CALN1: variants seen among roughly 807,000 people sequenced by gnomAD.
CALN1 encodes the protein calneuron 1.
Under a neutral mutation model 30.6 loss-of-function variants are expected in CALN1, and 17 were observed. The ratio of observed to expected loss-of-function variants is 0.56; its 90% CI spans 0.38 to 0.83. CALN1 has a LOEUF of 0.83. CALN1 is among the 40% of genes least tolerant of loss of function. CALN1 has a pLI of 0.00. For missense variants in CALN1, 291 were observed against 354.9 expected (o/e 0.82, Z 1.45); for synonymous variants, 156 against 131.4 (o/e 1.19, Z -1.28).
At chr7:71,912,311 T>C (rs979881001) in intron 5 of CALN1, among the ~76,000 whole-genome samples, 1 of 152,050 alleles carries the variant, frequency 6.6e-6, no homozygotes, top group South Asian at 2.1e-4. Flanking sequence ...AAATTCTCAG[T>C]GGTCCCAGTT....
chr7:72,194,024 G>A (rs1790812694), intron 3 of CALN1, among the ~76,000 whole-genome samples: 1 of 152,080 alleles, frequency 6.6e-6, no homozygotes, highest in African/African-American at 2.4e-5. Flanking sequence ...CAGGTGATGG[G>A]TGCACCAAAA....
chr7:72,234,149 C>CTT (rs1794310681), intron 3 of CALN1, among the ~76,000 whole-genome samples: 1 of 152,184 alleles, frequency 6.6e-6, no homozygotes, highest in South Asian at 2.1e-4. Context: ...CAGTTTCAAT[C>CTT]TTTTACCACA....
intron 2 of CALN1, among the ~76,000 whole-genome samples, chr7:72,308,582 G>A (rs1019905058): frequency 6.6e-6 from 1 of 152,118 alleles, no homozygotes; most frequent in African/African-American, 2.4e-5. Flanking sequence ...GTCCCCCTGG[G>A]AACTGCAATG....
At chr7:71,840,537 C>A (rs2116492222) in intron 5 of CALN1, among the ~76,000 whole-genome samples, 1 of 150,446 alleles carries the variant, frequency 6.6e-6, no homozygotes, top group South Asian at 2.1e-4. Flanking sequence ...AAACAAACCC[C>A]TTCTTAACAT....
chr7:72,035,165 T>C (rs1265395229), intron 4 of CALN1, among the ~76,000 whole-genome samples: 1 of 152,158 alleles, frequency 6.6e-6, no homozygotes, highest in Middle Eastern at 3.2e-3. Flanking sequence ...TGTGCAGGTC[T>C]AGTATTAAAT....
At chr7:71,820,170 TATC>T (rs1167157816) in intron 5 of CALN1, among the ~76,000 whole-genome samples, 1 of 152,190 alleles carries the variant, frequency 6.6e-6, no homozygotes, top group Non-Finnish European at 1.5e-5. Context: ...CTACAATCCT[TATC>T]ATAAGCCAGA....
At position 72,105,250 on chromosome 7, in the gene CALN1, T is replaced by G. The variant is rs566239251; in HGVS notation, c.388+901A>C. On this transcript the variant is annotated intron_variant, in intron 4 of 6. Coordinates refer to ENST00000395275, the MANE Select transcript of CALN1 (RefSeq NM_031468.4). ...CACCTGCCTTAGCTGCACTCTTAACTACAGCGGGACAGTTACCTGTTTCAT... is the reference window on the plus strand; with the variant it reads ...CACCTGCCTTAGCTGCACTCTTAACGACAGCGGGACAGTTACCTGTTTCAT... Among the ~76,000 whole-genome samples the G allele has an allele frequency of 1.5e-3, 223 of 152,308 alleles. No individual in the cohort carries two copies. The Middle Eastern group carries it at 0.02, about 14-fold the overall frequency.
At chr7:72,465,820 C>T in the CALN1 span, among the ~76,000 whole-genome samples, 1,579 of 152,276 alleles carry the variant, frequency 0.01, 80 homozygotes, top group Admixed American at 0.085. Context: ...AGCTGCCACT[C>T]AGAGCGCGGA....
intron 5 of CALN1, among the ~76,000 whole-genome samples, chr7:71,986,603 A>C (rs1473784227): frequency 6.6e-6 from 1 of 152,180 alleles, no homozygotes; most frequent in Non-Finnish European, 1.5e-5. Context: ...AAACAGAAAA[A>C]TGTGGTTAGA....
intron 5 of CALN1, among the ~76,000 whole-genome samples, chr7:71,833,947 G>A (rs1171781693): frequency 1.3e-5 from 2 of 151,878 alleles, no homozygotes; most frequent in South Asian, 2.1e-4. Context: ...AAATTGGCCC[G>A]GCGCAGTGGC....
intron 5 of CALN1, among the ~76,000 whole-genome samples, chr7:71,830,274 C>T (rs987986043): frequency 2.3e-4 from 35 of 152,162 alleles, no homozygotes; most frequent in Middle Eastern, 3.4e-3. Flanking sequence ...AACTCCTGAC[C>T]TCAGGTGATC....
chr7:71,974,254 C>T (rs940541463), intron 5 of CALN1, among the ~76,000 whole-genome samples: 9 of 151,788 alleles, frequency 5.9e-5, no homozygotes, highest in African/African-American at 2.2e-4. Flanking sequence ...CCTGTGTTTA[C>T]TAAAACTACA....
At chr7:72,413,722 TTA>T (rs1271617299), upstream of CALN1, among the ~76,000 whole-genome samples, 1 of 151,692 alleles carries the variant, frequency 6.6e-6, no homozygotes, top group East Asian at 1.9e-4. Flanking sequence ...ACACTTACAC[TTA>T]TACACACACG....
intron 2 of CALN1, among the ~76,000 whole-genome samples, chr7:72,397,737 C>CACACACACAA (rs2129561801): frequency 6.6e-6 from 1 of 151,566 alleles, no homozygotes; most frequent in East Asian, 1.9e-4. Context: ...CACACACACA[C>CACACACACAA]ACACACACAC....
At chr7:71,930,407 C>T (rs1340071857) in intron 5 of CALN1, among the ~76,000 whole-genome samples, 1 of 151,734 alleles carries the variant, frequency 6.6e-6, no homozygotes, top group African/African-American at 2.4e-5. Flanking sequence ...TTTGTCCATC[C>T]TTTCTGTATG....
At chr7:71,986,408 C>T (rs73366261) in intron 5 of CALN1, among the ~76,000 whole-genome samples, 3,700 of 152,266 alleles carry the variant, frequency 0.024, 117 homozygotes, top group African/African-American at 0.082. Flanking sequence ...AAATATAAAC[C>T]CAGCTCATTG....
chr7:72,071,029 C>G (rs974087772), intron 4 of CALN1, among the ~76,000 whole-genome samples: 2 of 152,206 alleles, frequency 1.3e-5, no homozygotes, highest in African/African-American at 4.8e-5. Flanking sequence ...CAGAATTTGT[C>G]CTGTGTGACT....
chr7:72,391,685 T>C (rs1042885403), intron 2 of CALN1, among the ~76,000 whole-genome samples: 4 of 152,156 alleles, frequency 2.6e-5, no homozygotes, highest in South Asian at 2.1e-4. Context: ...GTTTAATAAA[T>C]GGGAGTTCCC....
intron 4 of CALN1, among the ~76,000 whole-genome samples, chr7:72,040,899 A>G (rs906311449): frequency 2.0e-5 from 3 of 152,084 alleles, no homozygotes; most frequent in African/African-American, 7.2e-5. Context: ...AAATAAACAA[A>G]TTTCTGCTGA....
Sources: gnomAD v4.1 joint callset for allele counts (sites outside exome capture counted in the v4.1 genomes callset) on GRCh38, gnomAD v4.1.1 for gene constraint, MANE v1.5 for transcripts, NCBI Gene and HGNC (gene_info 2026-07-23, HGNC 2026-07-21) for gene names.